Variants in PRKN observed in about 807,000 individuals in gnomAD.
PRKN encodes the protein E3 ubiquitin-protein ligase parkin.
In PRKN, 56 loss-of-function variants were observed where a neutral mutation model predicts 59.5. The ratio of observed to expected loss-of-function variants is 0.94; its 90% confidence interval spans 0.76 to 1.18. PRKN has a LOEUF of 1.18. PRKN is among the 50% of genes most tolerant of loss of function. PRKN has a pLI of 0.00. For missense variants in PRKN, 657 were observed against 596.4 expected (o/e 1.10, Z -1.06); for synonymous variants, 250 against 222.1 (o/e 1.13, Z -1.12).
At chr6:161,817,117 G>A (rs1791818034) in intron 6 of PRKN, among the ~76,000 whole-genome samples, 7 of 152,150 alleles carry the variant, frequency 4.6e-5, no homozygotes, top group Admixed American at 2.6e-4. Flanking sequence ...CTACCTTCCC[G>A]GTCCACTGCT....
chr6:162,363,131 C>A (rs145568543), intron 2 of PRKN, among the ~76,000 whole-genome samples: 8,353 of 97,052 alleles, frequency 0.086, 72 homozygotes, highest in Non-Finnish European at 0.11. Flanking sequence ...CCTTCTCAAA[C>A]AAAAAAAAAA....
chr6:162,040,180 G>A (rs1784009604), intron 5 of PRKN, among the ~76,000 whole-genome samples: 1 of 152,094 alleles, frequency 6.6e-6, no homozygotes, highest in Admixed American at 6.5e-5. Flanking sequence ...CCATTTCCAT[G>A]TGCCTTTCCC....
At chr6:161,384,022 T>TG (rs1209312253) in intron 10 of PRKN, among the ~76,000 whole-genome samples, 3 of 152,250 alleles carry the variant, frequency 2.0e-5, no homozygotes, top group Admixed American at 1.3e-4. Context: ...CCTCATCTCC[T>TG]GGGGGGGTCT....
At chr6:162,373,080 T>C (rs902949643) in intron 2 of PRKN, among the ~76,000 whole-genome samples, 1 of 152,030 alleles carries the variant, frequency 6.6e-6, no homozygotes, top group African/African-American at 2.4e-5. Context: ...ACTAAGACAG[T>C]GAGGAGAAAG....
chr6:162,426,980 T>C (rs1789268178), intron 2 of PRKN, among the ~76,000 whole-genome samples: 1 of 152,208 alleles, frequency 6.6e-6, no homozygotes, highest in African/African-American at 2.4e-5. Context: ...AATACTAATA[T>C]ACATTGTGCA....
intron 2 of PRKN, among the ~76,000 whole-genome samples, chr6:162,404,752 A>T (rs1486198331): frequency 2.0e-5 from 3 of 152,088 alleles, no homozygotes; most frequent in Admixed American, 2.0e-4. Context: ...GGGTTTTGCC[A>T]TGTTGGGCAG....
chr6:161,876,452 C>T (rs999834109), intron 6 of PRKN, among the ~76,000 whole-genome samples: 1 of 152,134 alleles, frequency 6.6e-6, no homozygotes, highest in African/African-American at 2.4e-5. Context: ...GTTGTGACTA[C>T]AGGCGCATGC....
At chr6:162,539,585 C>G (rs1778844022) in intron 1 of PRKN, among the ~76,000 whole-genome samples, 1 of 152,124 alleles carries the variant, frequency 6.6e-6, no homozygotes, top group East Asian at 1.9e-4. Context: ...CACTCATATT[C>G]CAGGAGTCTC....
intron 9 of PRKN, among the ~76,000 whole-genome samples, chr6:161,481,026 C>T (rs980202666): frequency 1.3e-5 from 2 of 152,182 alleles, no homozygotes; most frequent in African/African-American, 4.8e-5. Flanking sequence ...GGCAGCAGCA[C>T]GTGGAAGTGG....
At chr6:162,663,712 TA>T (rs749285666) in intron 1 of PRKN, among the ~76,000 whole-genome samples, 1 of 151,862 alleles carries the variant, frequency 6.6e-6, no homozygotes, top group Non-Finnish European at 1.5e-5. Context: ...TCCTCACTTA[TA>T]AAAAAGAGAA....
intron 6 of PRKN, among the ~76,000 whole-genome samples, chr6:161,875,598 G>A (rs978389616): frequency 2.0e-5 from 3 of 152,078 alleles, no homozygotes; most frequent in Admixed American, 6.6e-5. Flanking sequence ...AGGTATCATG[G>A]CAGTCCTCAC....
chr6:161,763,222 C>T (rs1333524418), intron 7 of PRKN, among the ~76,000 whole-genome samples: 2 of 152,116 alleles, frequency 1.3e-5, no homozygotes, highest in Non-Finnish European at 2.9e-5. Context: ...TCTCTGTAAG[C>T]TTGTGAGCCG....
In PRKN at chr6:161,502,446, G is replaced by C. The variant is rs528722822; in HGVS notation, c.1083+46408C>G. Among the ~76,000 whole-genome samples, 9 of 152,226 alleles carry C rather than the reference G, an allele frequency of 5.9e-5. No individual in the cohort carries two copies. The highest frequency in any genetic ancestry group is 2.2e-4 in the African/African-American group (9 of 41,538). Reference sequence around the variant, plus strand: ...CTAACCAACCCTGGGAAATTAGCAAGGTTTCCCAGCACCCCAAGCTACTTG... The same window carrying C: ...CTAACCAACCCTGGGAAATTAGCAACGTTTCCCAGCACCCCAAGCTACTTG... On this transcript the variant is annotated intron_variant, in intron 9 of 11. Coordinates refer to ENST00000366898, the MANE Select transcript of PRKN (RefSeq NM_004562.3). The surrounding 1 kb of genome is among the most constrained non-coding windows in gnomAD (Gnocchi z 4.0).
At chr6:162,289,051 G>A (rs1781316084) in intron 2 of PRKN, among the ~76,000 whole-genome samples, 1 of 152,156 alleles carries the variant, frequency 6.6e-6, no homozygotes, top group African/African-American at 2.4e-5. Flanking sequence ...GGTTTCCTAG[G>A]ATGGCAGTAA....
intron 9 of PRKN, among the ~76,000 whole-genome samples, chr6:161,387,311 C>T (rs899346935): frequency 2.0e-5 from 3 of 152,190 alleles, no homozygotes; most frequent in Non-Finnish European, 2.9e-5. Flanking sequence ...CGAGATCTGA[C>T]GGTTTTACAA....
chr6:162,399,378 G>A (rs545962168), intron 2 of PRKN, among the ~76,000 whole-genome samples: 57 of 152,082 alleles, frequency 3.7e-4, no homozygotes, highest in African/African-American at 1.2e-3. Context: ...GCAAGGCCAC[G>A]GTTGGAAGAA....
intron 5 of PRKN, among the ~76,000 whole-genome samples, chr6:161,978,031 G>GTATTTTATTTTATTT (rs530789978): frequency 4.7e-5 from 6 of 128,470 alleles, no homozygotes; most frequent in African/African-American, 9.1e-5. Context: ...TTATTTTATT[G>GTATTTTATTTTATTT]TATTTTATTT....
intron 9 of PRKN, among the ~76,000 whole-genome samples, chr6:161,539,957 A>T (rs577725530): frequency 6.6e-6 from 1 of 152,292 alleles, no homozygotes. Flanking sequence ...TAACTGCTAT[A>T]ATACTATGGA....
chr6:162,624,318 T>C (rs1012513605), intron 1 of PRKN: 1 of 151,984 alleles, frequency 6.6e-6, no homozygotes, highest in Non-Finnish European at 1.5e-5. Context: ...ACAATCTGTG[T>C]CTCATATTTA....
Sources: gnomAD v4.1 joint callset for allele counts (sites outside exome capture counted in the v4.1 genomes callset) on GRCh38, gnomAD v4.1.1 for gene constraint, Gnocchi (gnomAD v3.1) non-coding constraint, MANE v1.5 for transcripts, NCBI Gene and HGNC (gene_info 2026-07-23, HGNC 2026-07-21) for gene names.